Variants in SEMA3D observed in about 807,000 individuals in gnomAD.
The protein encoded by SEMA3D is semaphorin-3D.
Under a neutral mutation model 100.1 loss-of-function variants are expected in SEMA3D, and 84 were observed. That is an observed-to-expected ratio of 0.84 (90% CI 0.70 to 1.01). The LOEUF (loss-of-function observed/expected upper bound fraction) is 1.01, where lower values mean the gene tolerates loss of function less well. Ranked by LOEUF, SEMA3D falls within the 50% of genes least tolerant of loss-of-function variation. The pLI, the probability that SEMA3D is intolerant of heterozygous loss-of-function variation, is 0.00. For missense variants in SEMA3D, 875 were observed against 934.1 expected, an observed-to-expected ratio of 0.94 and a Z score of 0.82; for synonymous variants, 312 against 320.7, an observed-to-expected ratio of 0.97 and a Z score of 0.29.
intron 1 of SEMA3D, among the ~76,000 whole-genome samples, chr7:85,173,592 C>T (rs1791144496): frequency 1.3e-5 from 2 of 152,102 alleles, no homozygotes; most frequent in Non-Finnish European, 2.9e-5. Context: ...AATACAAAAG[C>T]AGACGAATGG....
intron 1 of SEMA3D, among the ~76,000 whole-genome samples, chr7:85,170,432 A>C (rs1437031082): frequency 2.0e-5 from 3 of 151,896 alleles, no homozygotes; most frequent in African/African-American, 7.2e-5. Flanking sequence ...ACAACACAAC[A>C]ATCATTTCAA....
chr7:85,097,732 G>T, intron 4 of SEMA3D, 73 bp downstream of exon 4: 1 of 1,006,348 alleles, frequency 9.9e-7, no homozygotes, highest in Non-Finnish European at 1.5e-6. Context: ...TTAAAACAAA[G>T]CAAAACAAAA....
chr7:85,108,949 A>G (rs1789010785), intron 3 of SEMA3D, among the ~76,000 whole-genome samples: 1 of 151,862 alleles, frequency 6.6e-6, no homozygotes, highest in African/African-American at 2.4e-5. Flanking sequence ...TGAAAAAAAA[A>G]GGTGTCAAGA....
chr7:85,075,718 C>A (rs1010614064), intron 5 of SEMA3D, among the ~76,000 whole-genome samples: 1 of 152,184 alleles, frequency 6.6e-6, no homozygotes, highest in Non-Finnish European at 1.5e-5. Flanking sequence ...GTTCTCTAAG[C>A]AGCCTAGAGG....
the SEMA3D span, among the ~76,000 whole-genome samples, chr7:85,206,199 T>C: frequency 6.6e-6 from 1 of 152,124 alleles, no homozygotes; most frequent in Non-Finnish European, 1.5e-5. Context: ...CAGGTTTAAA[T>C]TGGGATACAT....
At chr7:85,052,401 C>G (rs1562798062) in intron 9 of SEMA3D, among the ~76,000 whole-genome samples, 1 of 152,054 alleles carries the variant, frequency 6.6e-6, no homozygotes, top group Admixed American at 6.6e-5. Flanking sequence ...GCTCCCCAGA[C>G]ACATCCCTTG....
chr7:85,144,542 A>G (rs530572973), intron 2 of SEMA3D: 34 of 985,068 alleles, frequency 3.5e-5, no homozygotes, highest in Middle Eastern at 5.2e-4. Context: ...TGTAATAGAA[A>G]AATGAACACA....
At chr7:85,027,201 C>T (rs566072607) in intron 12 of SEMA3D, among the ~76,000 whole-genome samples, 25 of 152,024 alleles carry the variant, frequency 1.6e-4, no homozygotes, top group Middle Eastern at 6.8e-3. Flanking sequence ...ATTTGTAAGA[C>T]GAATTTTTCA....
intron 3 of SEMA3D, among the ~76,000 whole-genome samples, chr7:85,107,667 C>G (rs1457847922): frequency 1.3e-5 from 2 of 151,960 alleles, no homozygotes; most frequent in Non-Finnish European, 2.9e-5. Context: ...ATGATCTAAT[C>G]CTCAGGCTCA....
chr7:85,058,490 A>T (rs975765338), intron 8 of SEMA3D, among the ~76,000 whole-genome samples: 1 of 152,062 alleles, frequency 6.6e-6, no homozygotes, highest in Non-Finnish European at 1.5e-5. Context: ...GCTCACGCCT[A>T]TAATCCCAGC....
chr7:85,133,014 A>AT (rs1789769409), intron 2 of SEMA3D, among the ~76,000 whole-genome samples: 2 of 151,744 alleles, frequency 1.3e-5, no homozygotes, highest in South Asian at 4.2e-4. Context: ...GAGTTGGGGT[A>AT]TTGTCTTGTG....
chr7:85,130,147 A>T (rs1037073442), intron 2 of SEMA3D, among the ~76,000 whole-genome samples: 1 of 152,142 alleles, frequency 6.6e-6, no homozygotes, highest in Admixed American at 6.6e-5. Flanking sequence ...ATGTGAAAGG[A>T]ACTTAGCATC....
At chr7:85,244,959 C>G in the SEMA3D span, among the ~76,000 whole-genome samples, 24 of 152,130 alleles carry the variant, frequency 1.6e-4, no homozygotes, top group Admixed American at 1.4e-3. Flanking sequence ...ATCTGCCCAC[C>G]TTGGCCTCCC....
the SEMA3D span, among the ~76,000 whole-genome samples, chr7:85,205,183 T>C: frequency 1.3e-5 from 2 of 152,156 alleles, 1 homozygote; most frequent in Admixed American, 1.3e-4. Flanking sequence ...ATACACTAAT[T>C]AGTCCATTAG....
intron 4 of SEMA3D, among the ~76,000 whole-genome samples, chr7:85,092,698 T>C (rs1788433230): frequency 1.3e-5 from 2 of 151,988 alleles, no homozygotes; most frequent in South Asian, 2.1e-4. Context: ...ATTATGTAAG[T>C]CTTTGAACCA....
intron 1 of SEMA3D, among the ~76,000 whole-genome samples, chr7:85,176,513 C>G (rs1791230602): frequency 6.6e-6 from 1 of 152,032 alleles, no homozygotes; most frequent in Admixed American, 6.6e-5. Flanking sequence ...CCCAGTATAA[C>G]ACAAATTCAG....
chr7:85,127,488 T>C (rs1426221212), intron 2 of SEMA3D, among the ~76,000 whole-genome samples: 2 of 152,142 alleles, frequency 1.3e-5, no homozygotes, highest in African/African-American at 2.4e-5. Context: ...TTTTAGAATA[T>C]ATGTGTGTAA....
At chr7:85,151,985 T>C (rs1279326851) in intron 2 of SEMA3D, among the ~76,000 whole-genome samples, 1 of 152,090 alleles carries the variant, frequency 6.6e-6, no homozygotes, top group Non-Finnish European at 1.5e-5. Flanking sequence ...TTATAGCTTC[T>C]TGACTGAATA....
chr7:85,126,786 A>T (rs2116420329), intron 2 of SEMA3D, among the ~76,000 whole-genome samples: 1 of 152,232 alleles, frequency 6.6e-6, no homozygotes, highest in Middle Eastern at 3.4e-3. Context: ...ACATAGGCAA[A>T]CACAGAGAAG....
Sources: gnomAD v4.1 joint callset for allele counts (sites outside exome capture counted in the v4.1 genomes callset) on GRCh38, gnomAD v4.1.1 for gene constraint, MANE v1.5 for transcripts, NCBI Gene and HGNC (gene_info 2026-07-23, HGNC 2026-07-21) for gene names.